ABCG1: variants seen among roughly 807,000 people sequenced by gnomAD.
ABCG1 encodes ATP-binding cassette sub-family G member 1.
ABCG1 carries 29 observed loss-of-function variants against 69.2 expected under a neutral mutation model. The observed-to-expected ratio is 0.42, with a 90% CI of 0.31 to 0.57. ABCG1 has a LOEUF of 0.57. ABCG1 is among the 20% of genes least tolerant of loss of function. ABCG1 has a pLI of 0.15. For synonymous variants in ABCG1, 370 were observed against 374.8 expected, an observed-to-expected ratio of 0.99 and a Z score of 0.15; for missense variants, 718 against 898.1, an observed-to-expected ratio of 0.80 and a Z score of 2.56.
At chr21:42,258,308 A>C (rs2068344211) in intron 2 of ABCG1, among the ~76,000 whole-genome samples, 1 of 140,548 alleles carries the variant, frequency 7.1e-6, no homozygotes, top group Admixed American at 7.1e-5. Context: ...TTCTCTCTCC[A>C]TCCCTCCCTT....
intron 2 of ABCG1, among the ~76,000 whole-genome samples, chr21:42,266,967 C>T (rs1299012644): frequency 6.6e-6 from 1 of 152,190 alleles, no homozygotes; most frequent in Non-Finnish European, 1.5e-5. Flanking sequence ...CCAGAGGAGT[C>T]TGGTTGAACT....
At chr21:42,220,905 T>A (rs2067715417) in intron 1 of ABCG1, among the ~76,000 whole-genome samples, 1 of 152,232 alleles carries the variant, frequency 6.6e-6, no homozygotes, top group Non-Finnish European at 1.5e-5. Context: ...CTTCTAGAGC[T>A]GCAAAGGTGG....
At chr21:42,269,739 A>G (rs2068581617) in intron 2 of ABCG1, among the ~76,000 whole-genome samples, 1 of 152,124 alleles carries the variant, frequency 6.6e-6, no homozygotes, top group African/African-American at 2.4e-5. Context: ...CCGGTGTCCT[A>G]TCTATGAAAG....
chr21:42,264,538 C>T (rs1297054901), intron 2 of ABCG1, among the ~76,000 whole-genome samples: 2 of 152,130 alleles, frequency 1.3e-5, no homozygotes, highest in Admixed American at 1.3e-4. Flanking sequence ...TCCATTCATC[C>T]ATTCATCCAT....
intron 6 of ABCG1, among the ~76,000 whole-genome samples, chr21:42,283,651 T>TCC (rs1231781314): frequency 1.4e-5 from 2 of 143,592 alleles, no homozygotes; most frequent in Non-Finnish European, 1.5e-5. Context: ...AGTTGTGAAG[T>TCC]CCCCCCCCAC....
rs1190073488 is a variant in ABCG1, at chr21:42,288,329, C to T, written c.1224+17C>T. 14 of 1,581,126 alleles carry T rather than the reference C, an allele frequency of 8.9e-6. No individual in the cohort carries two copies. The African/African-American group carries it at 1.1e-4, about 12-fold the overall frequency. ...AGGGACTCGGTAAGGCTGCCCGCAT[C>T]TTCTCCTGTAGCTGGGGAACCCGTG... On this transcript the variant is annotated intron_variant, in intron 10 of 14. Coordinates refer to ENST00000398449, the MANE Select transcript of ABCG1 (RefSeq NM_016818.3). The surrounding 1 kb of genome is among the most constrained non-coding windows in gnomAD (Gnocchi z 4.8).
At chr21:42,219,090 C>T (rs1002820463), upstream of ABCG1, 37 of 472,866 alleles carry the variant, frequency 7.8e-5, no homozygotes, top group African/African-American at 7.3e-4. This position sits in a 1 kb window ranked among gnomAD's most constrained non-coding sequence, Gnocchi z 5.3. Flanking sequence ...ATCGCGCGCT[C>T]GGGGCGGGGT....
intron 2 of ABCG1, among the ~76,000 whole-genome samples, chr21:42,260,472 A>G (rs935991268): frequency 2.0e-5 from 3 of 152,198 alleles, no homozygotes; most frequent in East Asian, 1.9e-4. Context: ...AAAGATTTTC[A>G]AAAGAGCTCA....
intron 2 of ABCG1, among the ~76,000 whole-genome samples, chr21:42,240,814 A>G (rs2068040249): frequency 6.6e-6 from 1 of 152,248 alleles, no homozygotes; most frequent in African/African-American, 2.4e-5. Flanking sequence ...GGAGTTGTCT[A>G]ATGGTGGAGG....
At position 42,296,256 on chromosome 21, in the gene ABCG1, C is replaced by G. The variant is rs750249283; in HGVS notation, c.1865C>G (p.Ser622Trp). The G allele has an allele frequency of 6.2e-7, 1 of 1,614,124 alleles. No individual in the cohort carries two copies. The highest frequency in any genetic ancestry group is 8.5e-7 in the Non-Finnish European group (1 of 1,180,032). The change falls in exon 15 of 15, where the codon TCG becomes TGG. Residue 622 changes from serine (S) to tryptophan (W), a missense_variant. By Grantham distance (177) the Ser-to-Trp change is radical. This residue lies in a region of ABCG1 where 204 missense variants were observed against 323.8 expected (regional missense o/e 0.63). Coordinates refer to ENST00000398449, the MANE Select transcript of ABCG1 (RefSeq NM_016818.3). The surrounding 1 kb of genome is among the most constrained non-coding windows in gnomAD (Gnocchi z 5.4). The part of the protein sequence containing the change: ...DIDETCHFQK[S>W]EAILRELDVE... ...GACGAGACGTGCCACTTCCAGAAGT[C>G]GGAGGCCATCCTGCGGGAGCTGGAC... is the stretch of plus-strand genomic sequence containing the variant.
chr21:42,292,131 G>A (rs935478046), intron 13 of ABCG1, among the ~76,000 whole-genome samples: 4 of 151,634 alleles, frequency 2.6e-5, no homozygotes, highest in East Asian at 3.9e-4. Context: ...CCGACCTGCC[G>A]CCCACATGCA....
At position 42,270,259 on chromosome 21, in the gene ABCG1, C is replaced by CAAAAAAA. The variant is rs4006345; in HGVS notation, c.287-795_287-789dup. Among the ~76,000 whole-genome samples the CAAAAAAA allele has an allele frequency of 1.2e-3, 103 of 87,152 alleles. 4 individuals carry two copies. The highest frequency in any genetic ancestry group is 4.7e-3 in the African/African-American group (98 of 20,976). The allele number at this position is 87,152 out of a possible 152,430, so 57.2% of individuals were successfully genotyped here. A position where few individuals can be genotyped will look rare whatever the true frequency, so the allele number is the denominator to read the frequency against. The stretch of plus-strand genomic sequence containing the variant: ...TGGGCGACAGAGCAAGACTCAGTCT[C>CAAAAAAA]AAAAAAAAAAAAAAAAAAAAAAGTG... On this transcript the variant is annotated intron_variant, in intron 2 of 14. Coordinates refer to ENST00000398449, the MANE Select transcript of ABCG1 (RefSeq NM_016818.3).
chr21:42,287,867 C>A lies in ABCG1; in HGVS notation c.974-22C>A. The stretch of plus-strand genomic sequence containing the variant: ...GTGTCCTTCCTGGAGCCCGGGCTGA[C>A]CCCCGTCTGTGTCTCCTGCAGTCAT... On this transcript the variant is annotated intron_variant, in intron 8 of 14. Transcript: ENST00000398449. This position sits in a 1 kb window ranked among gnomAD's most constrained non-coding sequence, Gnocchi z 6.2. The A allele has an allele frequency of 6.5e-7, 1 of 1,540,344 alleles. No individual in the cohort carries two copies. Among genetic ancestry groups the A allele is most frequent in the Non-Finnish European group, 8.8e-7 (1 of 1,141,370 alleles).
chr21:42,240,777 G>A (rs540295159), intron 2 of ABCG1, among the ~76,000 whole-genome samples: 4 of 152,370 alleles, frequency 2.6e-5, no homozygotes, highest in East Asian at 1.9e-4. Context: ...GAATGAAGCC[G>A]CATCATTGAA....
intron 2 of ABCG1, 36 bp downstream of exon 2, chr21:42,225,950 A>AT (rs1455656463): frequency 6.2e-7 from 1 of 1,600,658 alleles, no homozygotes; most frequent in Non-Finnish European, 8.5e-7. Flanking sequence ...TCAAGCTGGG[A>AT]GGAGCCTCTG....
chr21:42,244,775 G>T (rs1469408577), intron 2 of ABCG1, among the ~76,000 whole-genome samples: 1 of 152,246 alleles, frequency 6.6e-6, no homozygotes, highest in Admixed American at 6.5e-5. Context: ...GCCACAGAAA[G>T]CTTGGGAACA....
At chr21:42,266,273 C>T (rs562809561) in intron 2 of ABCG1, among the ~76,000 whole-genome samples, 35 of 151,894 alleles carry the variant, frequency 2.3e-4, no homozygotes, top group African/African-American at 8.2e-4. Context: ...TGCACTCCAG[C>T]CTGGGTGACA....
In ABCG1 at chr21:42,264,186, G is replaced by A. The variant is rs17114591; in HGVS notation, c.287-6884G>A. Among the ~76,000 whole-genome samples the A allele has an allele frequency of 4.7e-3, 718 of 152,236 alleles. 8 individuals are homozygous for A. Among genetic ancestry groups the A allele is most frequent in the African/African-American group, 0.016 (659 of 41,530 alleles). On this transcript the variant is annotated intron_variant, in intron 2 of 14. Transcript: ENST00000398449. ...TTAGGAGGAGCAGCTTCATTCCAGC[G>A]TTATCTCCTTATACTCATGATCACC...
chr21:42,219,118 GAGCCGGAGCCGGATCCC>G, upstream of ABCG1: 1 of 755,762 alleles, frequency 1.3e-6, no homozygotes, highest in Non-Finnish European at 1.7e-6. The surrounding 1 kb of genome is among the most constrained non-coding windows in gnomAD (Gnocchi z 5.3). Context: ...GCTGGAACCA[GAGCCGGAGCCGGATCCC>G]AGCCGGAGCC....
Sources: gnomAD v4.1 joint callset for allele counts (sites outside exome capture counted in the v4.1 genomes callset) on GRCh38, gnomAD v4.1.1 for gene constraint, gnomAD v4.1.1 regional missense constraint, Gnocchi (gnomAD v3.1) non-coding constraint, MANE v1.5 for transcripts, NCBI Gene and HGNC (gene_info 2026-07-23, HGNC 2026-07-21) for gene names.